Variants in MICU2 observed in about 807,000 individuals in gnomAD.
The protein encoded by MICU2 is calcium uptake protein 2, mitochondrial.
A neutral mutation model predicts 60.4 loss-of-function variants in MICU2; 64 were observed. That is an observed-to-expected ratio of 1.06 (90% CI 0.87 to 1.31). The LOEUF (loss-of-function observed/expected upper bound fraction) is 1.31, where lower values mean the gene tolerates loss of function less well. Ranked by LOEUF, MICU2 falls within the 50% of genes most tolerant of loss-of-function variation. The pLI, the probability that MICU2 is intolerant of heterozygous loss-of-function variation, is 0.00. For missense variants in MICU2, 569 were observed against 531.0 expected (o/e 1.07, Z -0.70); for synonymous variants, 201 against 175.0 (o/e 1.15, Z -1.17).
At chr13:21,564,639 G>C (rs1437611527) in intron 2 of MICU2, among the ~76,000 whole-genome samples, 1 of 152,152 alleles carries the variant, frequency 6.6e-6, no homozygotes, top group Non-Finnish European at 1.5e-5. Context: ...GAGGGGGATA[G>C]ATTTGGGAAT....
intron 1 of MICU2, among the ~76,000 whole-genome samples, chr13:21,569,112 C>G (rs890454945): frequency 2.0e-5 from 3 of 152,042 alleles, no homozygotes; most frequent in Non-Finnish European, 4.4e-5. Context: ...GGTTGATTTC[C>G]GAGCTTGAGG....
At chr13:21,587,286 A>G (rs1309349592) in intron 1 of MICU2, among the ~76,000 whole-genome samples, 1 of 152,256 alleles carries the variant, frequency 6.6e-6, no homozygotes. Flanking sequence ...AAGCCCTATG[A>G]AGCCACAAAA....
chr13:21,540,494 C>T (rs1038781900), intron 2 of MICU2, among the ~76,000 whole-genome samples: 54 of 152,246 alleles, frequency 3.5e-4, no homozygotes, highest in African/African-American at 1.3e-3. Context: ...TCAGGTGGCA[C>T]ATTAAAAAAG....
At chr13:21,513,617 G>A (rs1166543175) in intron 7 of MICU2, among the ~76,000 whole-genome samples, 2 of 151,562 alleles carry the variant, frequency 1.3e-5, no homozygotes, top group East Asian at 1.9e-4. Context: ...GCATGTGCCT[G>A]TAATCCCAGC....
intron 4 of MICU2, among the ~76,000 whole-genome samples, chr13:21,534,781 C>G (rs1217991326): frequency 2.6e-5 from 4 of 152,098 alleles, no homozygotes; most frequent in Non-Finnish European, 1.5e-5. Context: ...TATTTTTCCA[C>G]TTTGAGATTA....
intron 1 of MICU2, among the ~76,000 whole-genome samples, chr13:21,599,656 T>G (rs4770179): frequency 0.23 from 35,532 of 152,156 alleles, 5,064 homozygotes; most frequent in East Asian, 0.65. Flanking sequence ...TCTTTTGAAT[T>G]CATCCACTAA....
At chr13:21,542,549 G>T (rs1887308774) in intron 2 of MICU2, among the ~76,000 whole-genome samples, 1 of 151,968 alleles carries the variant, frequency 6.6e-6, no homozygotes, top group Non-Finnish European at 1.5e-5. Context: ...ACACACTTAT[G>T]TATGAAAATA....
chr13:21,601,520 C>A (rs1176183152), intron 1 of MICU2, among the ~76,000 whole-genome samples: 2 of 152,062 alleles, frequency 1.3e-5, no homozygotes, highest in Non-Finnish European at 2.9e-5. Context: ...ACTTACAAAG[C>A]TGCAGGGAAG....
chr13:21,495,815 T>G (rs1885981954), intron 10 of MICU2: 2 of 363,238 alleles, frequency 5.5e-6, no homozygotes, highest in Non-Finnish European at 9.9e-6. Context: ...ATTACAGGCA[T>G]GAGCCACCAT....
chr13:21,530,027 C>G (rs1886949083), intron 4 of MICU2, among the ~76,000 whole-genome samples: 2 of 152,168 alleles, frequency 1.3e-5, no homozygotes, highest in Non-Finnish European at 2.9e-5. Context: ...GATCTTACAC[C>G]TTGCCCTTTC....
At chr13:21,557,061 A>C (rs1326587942) in intron 2 of MICU2, among the ~76,000 whole-genome samples, 3 of 152,186 alleles carry the variant, frequency 2.0e-5, no homozygotes, top group African/African-American at 7.2e-5. Flanking sequence ...ACAGGGGAGG[A>C]AAAATATCCA....
intron 9 of MICU2, among the ~76,000 whole-genome samples, chr13:21,500,417 ATTTTTTTTTTTTTT>A (rs10608018): frequency 8.0e-6 from 1 of 124,960 alleles, no homozygotes; most frequent in African/African-American, 3.0e-5. Flanking sequence ...ATACCTACTG[ATTTTTTTTTTTTTT>A]TTTTTTTTTT....
At position 21,604,048 on chromosome 13, in the gene MICU2, G is replaced by A. The variant is rs1468061728; in HGVS notation, c.101C>T (p.Pro34Leu). ...CGCGCCGGCCACTGCCGCTGCCAAG[G>A]GGCCGGGACTCCGCACAGCCTGTCG... Reference protein sequence around the residue: ...VSRQAVRSPGPLAAAVAGAAL... With the variant: ...VSRQAVRSPGLLAAAVAGAAL... The change falls in exon 1 of 12, where the codon CCC becomes CTC. Residue 34 changes from proline (P) to leucine (L), a missense_variant. Physicochemically the swap from Pro to Leu is moderately conservative, Grantham distance 98. Transcript: ENST00000382374. 3 of 1,605,998 alleles carry A rather than the reference G, an allele frequency of 1.9e-6. No individual in the cohort carries two copies. The highest frequency in any genetic ancestry group is 2.2e-5 in the South Asian group (2 of 90,504).
intron 2 of MICU2, 53 bp from the exon 3 acceptor site, chr13:21,539,741 A>G: frequency 2.7e-6 from 4 of 1,491,798 alleles, no homozygotes; most frequent in South Asian, 2.3e-5. Context: ...GTAAAACTCA[A>G]CTTGCACTAA....
chr13:21,539,614 T>C (rs754864018), intron 3 of MICU2, 43 bp downstream of exon 3: 2 of 1,613,658 alleles, frequency 1.2e-6, no homozygotes, highest in Non-Finnish European at 1.7e-6. Flanking sequence ...TCATTTTCTA[T>C]CTTACCAAAA....
chr13:21,523,638 C>A (rs1464950763), intron 4 of MICU2, among the ~76,000 whole-genome samples: 1 of 152,196 alleles, frequency 6.6e-6, no homozygotes, highest in African/African-American at 2.4e-5. Context: ...TGAAGCCAAT[C>A]ACTGCATTTC....
intron 7 of MICU2, among the ~76,000 whole-genome samples, chr13:21,513,177 C>T (rs1371089940): frequency 6.6e-6 from 1 of 151,872 alleles, no homozygotes; most frequent in African/African-American, 2.4e-5. Flanking sequence ...AGAGACAATG[C>T]CATCTACGAA....
At chr13:21,530,528 C>G (rs1265590049) in intron 4 of MICU2, among the ~76,000 whole-genome samples, 1 of 151,272 alleles carries the variant, frequency 6.6e-6, no homozygotes, top group African/African-American at 2.4e-5. Context: ...AGAACATAAA[C>G]AGTCCTCCAT....
At chr13:21,516,280 T>A (rs1329748695) in intron 6 of MICU2, among the ~76,000 whole-genome samples, 1 of 152,146 alleles carries the variant, frequency 6.6e-6, no homozygotes, top group African/African-American at 2.4e-5. Context: ...CCTAAATTAG[T>A]TTCCCTTAGT....
Sources: gnomAD v4.1 joint callset for allele counts (sites outside exome capture counted in the v4.1 genomes callset) on GRCh38, gnomAD v4.1.1 for gene constraint, MANE v1.5 for transcripts, NCBI Gene and HGNC (gene_info 2026-07-23, HGNC 2026-07-21) for gene names.